The following FSTL5 variants were observed in gnomAD, a reference collection of about 807,000 sequenced individuals.
The protein encoded by FSTL5 is follistatin-related protein 5.
Under a neutral mutation model 89.1 loss-of-function variants are expected in FSTL5, and 62 were observed. The observed-to-expected ratio is 0.70, with a 90% CI of 0.57 to 0.86. The LOEUF is 0.86. FSTL5 is among the 40% of genes least tolerant of loss of function. The probability of loss-of-function intolerance (pLI) is 0.00; values close to 1 mark genes in which losing one functional copy is unlikely to be tolerated. For missense variants in FSTL5, 1,057 were observed against 1,001.6 expected, an observed-to-expected ratio of 1.06 and a Z score of -0.75; for synonymous variants, 383 against 346.2, an observed-to-expected ratio of 1.11 and a Z score of -1.18.
chr4:161,537,163 T>G (rs1474094654), intron 10 of FSTL5, among the ~76,000 whole-genome samples: 1 of 152,288 alleles, frequency 6.6e-6, no homozygotes, highest in South Asian at 2.1e-4. Context: ...CAATATGCAC[T>G]AAGTGACTTA....
At chr4:161,471,807 T>C (rs894035645) in intron 13 of FSTL5, among the ~76,000 whole-genome samples, 2 of 152,208 alleles carry the variant, frequency 1.3e-5, no homozygotes, top group Non-Finnish European at 2.9e-5. Context: ...GTCCATTTTA[T>C]GTAGGTTATC....
chr4:161,463,143 T>C (rs1348801929), intron 13 of FSTL5, among the ~76,000 whole-genome samples: 1 of 152,240 alleles, frequency 6.6e-6, no homozygotes, highest in African/African-American at 2.4e-5. Flanking sequence ...AATTAGGATA[T>C]ACCTATTTGG....
chr4:161,877,474 T>C (rs1480058545), intron 4 of FSTL5, among the ~76,000 whole-genome samples: 1 of 151,636 alleles, frequency 6.6e-6, no homozygotes, highest in African/African-American at 2.4e-5. Flanking sequence ...ATTCCTATAA[T>C]ATACATTTAA....
At chr4:161,541,483 G>A (rs1731816915) in intron 9 of FSTL5, among the ~76,000 whole-genome samples, 1 of 151,940 alleles carries the variant, frequency 6.6e-6, no homozygotes, top group Non-Finnish European at 1.5e-5. Context: ...ACCTCTTGAG[G>A]TAATCACTAG....
chr4:161,996,704 C>G (rs1032444772), intron 3 of FSTL5, among the ~76,000 whole-genome samples: 1 of 152,168 alleles, frequency 6.6e-6, no homozygotes, highest in Non-Finnish European at 1.5e-5. Context: ...ATTTTGGAAC[C>G]GTTGGCCCAG....
chr4:161,656,325 C>T lies in FSTL5; in HGVS notation c.894+3G>A. 1 of 1,485,482 alleles carries T rather than the reference C, an allele frequency of 6.7e-7. No homozygotes were observed. The highest frequency in any genetic ancestry group is 2.3e-5 in the East Asian group (1 of 43,358). 92.0% of individuals were successfully genotyped at this position (1,485,482 alleles called of 1,614,324 possible). ...TATAAAGCAACTATATTTATGTACT[C>T]ACATTGATGTCTTCCAAATCTAAAT... On this transcript the variant is annotated splice_donor_region_variant and intron_variant, in intron 7 of 15. Coordinates refer to ENST00000306100, the MANE Select transcript of FSTL5 (RefSeq NM_020116.5).
chr4:162,099,828 T>C (rs1325963116), intron 2 of FSTL5, among the ~76,000 whole-genome samples: 1 of 152,192 alleles, frequency 6.6e-6, no homozygotes, highest in Non-Finnish European at 1.5e-5. Context: ...TTTTCATAGA[T>C]ATTAAACATC....
intron 12 of FSTL5, among the ~76,000 whole-genome samples, chr4:161,486,165 A>AAAT (rs201126683): frequency 1.4e-5 from 2 of 147,618 alleles, no homozygotes; most frequent in Non-Finnish European, 1.5e-5. Context: ...AAAAAAAAAA[A>AAAT]GTAAATATCT....
At chr4:161,981,777 C>T (rs565579759) in intron 3 of FSTL5, among the ~76,000 whole-genome samples, 1 of 152,232 alleles carries the variant, frequency 6.6e-6, no homozygotes, top group East Asian at 1.9e-4. Flanking sequence ...CACATTTCTT[C>T]CATTTTAGTA....
chr4:161,707,279 T>C (rs1332323683), intron 6 of FSTL5, among the ~76,000 whole-genome samples: 1 of 151,902 alleles, frequency 6.6e-6, no homozygotes, highest in African/African-American at 2.4e-5. Flanking sequence ...GAAATTTAAA[T>C]ATAGTTTCTT....
intron 7 of FSTL5, among the ~76,000 whole-genome samples, chr4:161,611,278 G>T (rs1460344561): frequency 1.3e-4 from 18 of 136,416 alleles, no homozygotes; most frequent in African/African-American, 4.9e-4. Context: ...GTAACTTCCT[G>T]AATCAGTAGA....
At chr4:161,589,826 A>G (rs1383813113) in intron 7 of FSTL5, among the ~76,000 whole-genome samples, 1 of 151,984 alleles carries the variant, frequency 6.6e-6, no homozygotes, top group Non-Finnish European at 1.5e-5. Flanking sequence ...GACTGTGTGA[A>G]TGCTCAGCAG....
At chr4:161,877,056 T>C (rs922555932) in intron 4 of FSTL5, among the ~76,000 whole-genome samples, 3 of 151,484 alleles carry the variant, frequency 2.0e-5, no homozygotes, top group Middle Eastern at 3.2e-3. Context: ...TGGTGGCGCA[T>C]GCCTGTAATC....
At chr4:162,077,552 C>A (rs928075317) in intron 2 of FSTL5, among the ~76,000 whole-genome samples, 5 of 151,772 alleles carry the variant, frequency 3.3e-5, no homozygotes, top group Non-Finnish European at 4.4e-5. Context: ...GGGGAAAATA[C>A]AAATCCTGAC....
chr4:161,650,400 G>A (rs1278568691), intron 7 of FSTL5, among the ~76,000 whole-genome samples: 1 of 152,110 alleles, frequency 6.6e-6, no homozygotes, highest in African/African-American at 2.4e-5. Flanking sequence ...AAGTGATTTT[G>A]TAAAAGTGTA....
At position 161,503,447 on chromosome 4, in the gene FSTL5, A is replaced by C. The variant is rs572435364; in HGVS notation, c.1340-3313T>G. ...TTGAGCCAGCTAAAAGATCAACTTT[A>C]TTTTCTAGTAAAGCATTTCTTAAAT... On this transcript the variant is annotated intron_variant, in intron 11 of 15. Coordinates refer to ENST00000306100, the MANE Select transcript of FSTL5 (RefSeq NM_020116.5). 4.6e-5 allele frequency among the ~76,000 whole-genome samples: 7 copies of C among 151,954 alleles called. No individual in the cohort carries two copies. The South Asian group carries it at 1.4e-3, about 31-fold the overall frequency.
At chr4:161,648,226 G>A (rs1359979638) in intron 7 of FSTL5, among the ~76,000 whole-genome samples, 4 of 152,248 alleles carry the variant, frequency 2.6e-5, no homozygotes, top group Admixed American at 6.5e-5. Flanking sequence ...AACACAAGCC[G>A]CCTATAGACT....
At chr4:161,700,580 T>C (rs1178782017) in intron 6 of FSTL5, among the ~76,000 whole-genome samples, 2 of 152,240 alleles carry the variant, frequency 1.3e-5, no homozygotes, top group South Asian at 2.1e-4. Context: ...TTTGCTATGT[T>C]TGCCCAGGGT....
chr4:161,775,785 T>C (rs536740683), intron 5 of FSTL5, 93 bp downstream of exon 5: 2 of 639,756 alleles, frequency 3.1e-6, no homozygotes, highest in African/African-American at 3.9e-5. Flanking sequence ...GGATCAAATA[T>C]ACATTTTTTC....
Sources: gnomAD v4.1 joint callset for allele counts (sites outside exome capture counted in the v4.1 genomes callset) on GRCh38, gnomAD v4.1.1 for gene constraint, MANE v1.5 for transcripts, NCBI Gene and HGNC (gene_info 2026-07-23, HGNC 2026-07-21) for gene names.